Variants in TAF4 observed in about 807,000 individuals in gnomAD.
TAF4 encodes the protein TATA-box binding protein associated factor 4.
A neutral mutation model predicts 90.3 loss-of-function variants in TAF4; 9 were observed. The ratio of observed to expected loss-of-function variants is 0.10; its 90% confidence interval spans 0.06 to 0.17. The LOEUF (loss-of-function observed/expected upper bound fraction) is 0.17. Ranked by LOEUF, TAF4 falls within the 10% of genes least tolerant of loss-of-function variation. The probability of loss-of-function intolerance (pLI) is 1.00; values close to 1 mark genes in which losing one functional copy is unlikely to be tolerated. For missense variants in TAF4, 1,351 were observed against 1,370.7 expected (o/e 0.99, Z 0.23); for synonymous variants, 818 against 638.9 (o/e 1.28, Z -4.23).
intron 1 of TAF4, among the ~76,000 whole-genome samples, chr20:62,046,234 A>T (rs767919611): frequency 1.3e-5 from 2 of 152,242 alleles, no homozygotes; most frequent in Non-Finnish European, 2.9e-5. Context: ...ACTGAAATAC[A>T]GTTTACATAA....
chr20:62,014,530 G>A lies in TAF4; in HGVS notation c.1521+17C>T, dbSNP rs1661103122. The A allele has an allele frequency of 1.3e-6, 2 of 1,589,268 alleles. No individual in the cohort carries two copies. The highest frequency in any genetic ancestry group is 1.4e-5 in the African/African-American group (1 of 73,944). ...GGCAGGGAAGGGGTTCGCACTCCAG[G>A]GCACACGTGCACTCACCTGTACGGT... On this transcript the variant is annotated intron_variant, in intron 2 of 14. Coordinates refer to ENST00000252996, the MANE Select transcript of TAF4 (RefSeq NM_003185.4).
chr20:62,004,263 T>C (rs558555355), intron 7 of TAF4, among the ~76,000 whole-genome samples: 1 of 152,156 alleles, frequency 6.6e-6, no homozygotes, highest in African/African-American at 2.4e-5. Context: ...GAGGTGACAT[T>C]GTTGCCTGGT....
chr20:62,048,055 C>T (rs2056003693), intron 1 of TAF4, among the ~76,000 whole-genome samples: 1 of 152,190 alleles, frequency 6.6e-6, no homozygotes, highest in African/African-American at 2.4e-5. Context: ...CCCAGAGTCA[C>T]AATACGGGGA....
rs541808693 is a variant in TAF4 at position 62,030,115 on chromosome 20, G to A, written c.1361-15408C>T. ...GAGCAGCGCAGCGGGCCAGAGCCCC[G>A]ATAGGGGTGTGCGGCCACGTGCACA... On this transcript the variant is annotated intron_variant, in intron 1 of 14. Transcript: ENST00000252996. Among the ~76,000 whole-genome samples, 32 of 152,326 alleles carry A rather than the reference G, an allele frequency of 2.1e-4. 1 individual carries two copies. In the South Asian group the frequency reaches 4.8e-3, roughly 23 times the overall value.
chr20:62,029,995 C>T (rs982831020), intron 1 of TAF4, among the ~76,000 whole-genome samples: 4 of 152,168 alleles, frequency 2.6e-5, no homozygotes, highest in Admixed American at 1.3e-4. Context: ...AACAGTGCGC[C>T]GCAGGGGCAT....
chr20:62,048,593 C>A (rs539982530), intron 1 of TAF4, among the ~76,000 whole-genome samples: 1 of 152,074 alleles, frequency 6.6e-6, no homozygotes, highest in South Asian at 2.1e-4. Flanking sequence ...CGTCTCCCCA[C>A]GTGCCCACCT....
intron 1 of TAF4, among the ~76,000 whole-genome samples, chr20:62,060,436 A>T (rs768608479): frequency 1.3e-5 from 2 of 152,180 alleles, no homozygotes; most frequent in Non-Finnish European, 2.9e-5. Flanking sequence ...CCACTAAGCC[A>T]TGAGGGTCAC....
intron 1 of TAF4, among the ~76,000 whole-genome samples, chr20:62,047,268 T>A (rs748343190): frequency 6.6e-6 from 1 of 152,074 alleles, no homozygotes; most frequent in Non-Finnish European, 1.5e-5. Context: ...ACCACTGCAA[T>A]CCCAAAGCTG....
Position 62,064,891 on chromosome 20 carries a change from C to T in TAF4, c.920G>A (p.Gly307Asp). Residue 307 changes from glycine (G) to aspartate (D), a missense_variant, in exon 1 of 15, where the codon GGC becomes GAC. Physicochemically the swap from Gly to Asp is moderately conservative, Grantham distance 94 (BLOSUM62 -1). Transcript: ENST00000252996. Reference sequence around the variant, plus strand: ...GGGGGCGGGGGCTGCCCCGGCGCTGCCCCCGTTCTGGGCGGCGGCGGGGGG... The same window carrying T: ...GGGGGCGGGGGCTGCCCCGGCGCTGTCCCCGTTCTGGGCGGCGGCGGGGGG... ...VPPPAAAQNGGSAGAAPAPAP... is the reference protein window; with the variant it reads ...VPPPAAAQNGDSAGAAPAPAP... 7 of 863,304 alleles carry T rather than the reference C, an allele frequency of 8.1e-6. No individual in the cohort carries two copies. Among genetic ancestry groups the T allele is most frequent in the Non-Finnish European group, 8.3e-6 (6 of 725,854 alleles). The allele number at this position is 863,304 out of a possible 1,614,324, so 53.5% of individuals were successfully genotyped here.
intron 1 of TAF4, among the ~76,000 whole-genome samples, chr20:62,023,443 C>G (rs952676455): frequency 6.7e-6 from 1 of 150,076 alleles, no homozygotes; most frequent in Non-Finnish European, 1.5e-5. Context: ...ACCAAACAAA[C>G]CAGAAAAAGT....
At chr20:62,014,461 C>T in intron 2 of TAF4, 86 bp downstream of exon 2, 2 of 1,453,740 alleles carry the variant, frequency 1.4e-6, no homozygotes, top group South Asian at 2.9e-5. Context: ...ATGGCTGTGC[C>T]TGGCCCTTGC....
At chr20:62,011,562 C>T (rs1347141243) in intron 3 of TAF4, among the ~76,000 whole-genome samples, 1 of 152,232 alleles carries the variant, frequency 6.6e-6, no homozygotes, top group Admixed American at 6.5e-5. Context: ...CAAAGGCCAG[C>T]ACACATCTCC....
intron 1 of TAF4, among the ~76,000 whole-genome samples, chr20:62,063,675 C>T (rs2056103102): frequency 6.6e-6 from 1 of 152,220 alleles, no homozygotes; most frequent in African/African-American, 2.4e-5. Context: ...TCCCACTGCC[C>T]TCCCGAGGGG....
intron 1 of TAF4, among the ~76,000 whole-genome samples, chr20:62,034,631 G>A (rs1047791831): frequency 2.0e-5 from 3 of 151,762 alleles, no homozygotes; most frequent in Admixed American, 1.3e-4. Context: ...TTCCCAGCCA[G>A]AAAATGTGTT....
chr20:62,053,667 T>C (rs1227089486), intron 1 of TAF4, among the ~76,000 whole-genome samples: 2 of 152,208 alleles, frequency 1.3e-5, no homozygotes, highest in Non-Finnish European at 2.9e-5. Context: ...TGAACGTTTG[T>C]TGACCAACCA....
intron 8 of TAF4, 74 bp from the exon 9 acceptor site, chr20:62,003,348 G>A: frequency 8.1e-7 from 1 of 1,233,720 alleles, no homozygotes; most frequent in Non-Finnish European, 1.2e-6. Context: ...TGCTTTACAG[G>A]CTCAAGGGCA....
chr20:62,006,795 G>A lies in TAF4; in HGVS notation c.1975-37C>T. 7.0e-7 allele frequency: 1 copy of A among 1,434,262 alleles called. No individual in the cohort carries two copies. The highest frequency in any genetic ancestry group is 2.6e-5 in the Admixed American group (1 of 39,000). 88.8% of individuals were successfully genotyped at this position (1,434,262 alleles called of 1,614,324 possible). ...GACAGACACGAGGGGTCAGGCGGCT[G>A]CTCATGCGTCGGTTTTCCTTGCTTA... On this transcript the variant is annotated intron_variant, in intron 6 of 14. Transcript: ENST00000252996. The surrounding 1 kb of genome is among the most constrained non-coding windows in gnomAD (Gnocchi z 7.0).
intron 1 of TAF4, among the ~76,000 whole-genome samples, chr20:62,048,314 C>A (rs2056005303): frequency 6.6e-6 from 1 of 152,174 alleles, no homozygotes; most frequent in African/African-American, 2.4e-5. Flanking sequence ...CTGGACACAC[C>A]TAGGAAAGGA....
intron 3 of TAF4, among the ~76,000 whole-genome samples, chr20:62,011,382 C>T (rs1257093542): frequency 2.6e-5 from 4 of 152,194 alleles, no homozygotes; most frequent in African/African-American, 9.7e-5. Flanking sequence ...ACATATTTCA[C>T]TCAGATGATA....
Sources: gnomAD v4.1 joint callset for allele counts (sites outside exome capture counted in the v4.1 genomes callset) on GRCh38, gnomAD v4.1.1 for gene constraint, Gnocchi (gnomAD v3.1) non-coding constraint, MANE v1.5 for transcripts, NCBI Gene and HGNC (gene_info 2026-07-23, HGNC 2026-07-21) for gene names.